The following ANKFN1 variants were observed in gnomAD, a reference collection of about 807,000 sequenced individuals.
ANKFN1 encodes ankyrin repeat and fibronectin type III domain containing 1, also known as ankyrin repeat and fibronectin type-III domain-containing protein 1.
Under a neutral mutation model 108.7 loss-of-function variants are expected in ANKFN1, and 74 were observed. The ratio of observed to expected loss-of-function variants is 0.68; its 90% CI spans 0.56 to 0.83. The LOEUF is 0.83. Among genes scored for constraint, ANKFN1 ranks in the 40% least tolerant of loss-of-function variants. ANKFN1 has a pLI of 0.00. For synonymous variants in ANKFN1, 547 were observed against 516.2 expected (o/e 1.06, Z -0.81); for missense variants, 1,505 against 1,382.3 (o/e 1.09, Z -1.41).
At chr17:56,339,646 T>G (rs2144613192) in intron 4 of ANKFN1, among the ~76,000 whole-genome samples, 1 of 152,336 alleles carries the variant, frequency 6.6e-6, no homozygotes, top group South Asian at 2.1e-4. Flanking sequence ...CTTGTTCTTT[T>G]TATAGCTGCA....
intron 4 of ANKFN1, among the ~76,000 whole-genome samples, chr17:56,349,166 G>A (rs896448152): frequency 6.6e-6 from 1 of 152,114 alleles, no homozygotes; most frequent in Admixed American, 6.6e-5. Flanking sequence ...TTATAAGTAG[G>A]AGCTGGATGA....
At chr17:56,174,188 G>C in intron 1 of ANKFN1, 1 of 985,568 alleles carries the variant, frequency 1.0e-6, no homozygotes, top group Non-Finnish European at 1.2e-6. Flanking sequence ...TCCTGGGCTG[G>C]CCACAGAGCC....
intron 18 of ANKFN1, among the ~76,000 whole-genome samples, chr17:56,491,798 A>T (rs1015694715): frequency 2.2e-4 from 33 of 152,186 alleles, no homozygotes; most frequent in African/African-American, 7.7e-4. Flanking sequence ...TGAAAACCAA[A>T]ACTAGGTTTC....
intron 4 of ANKFN1, among the ~76,000 whole-genome samples, chr17:56,103,500 A>G (rs915458051): frequency 1.3e-5 from 2 of 152,198 alleles, no homozygotes; most frequent in Non-Finnish European, 2.9e-5. Flanking sequence ...CTTGCCAGCA[A>G]TAGCCCAGGG....
At chr17:56,050,051 CTGT>C (rs1904748310) in intron 4 of ANKFN1, among the ~76,000 whole-genome samples, 1 of 151,874 alleles carries the variant, frequency 6.6e-6, no homozygotes, top group African/African-American at 2.4e-5. Flanking sequence ...TCTCCAGCAC[CTGT>C]TGTTTCCTGA....
At chr17:56,450,281 T>A (rs1020341849) in intron 11 of ANKFN1, among the ~76,000 whole-genome samples, 1 of 151,142 alleles carries the variant, frequency 6.6e-6, no homozygotes, top group Non-Finnish European at 1.5e-5. Context: ...AAAAAAAAAA[T>A]CCACAGTTGA....
At chr17:56,160,466 G>A (rs1360446083) in intron 1 of ANKFN1, among the ~76,000 whole-genome samples, 4 of 150,946 alleles carry the variant, frequency 2.6e-5, no homozygotes, top group African/African-American at 9.8e-5. Flanking sequence ...ACTACATTCA[G>A]CGGTCTGTTT....
intron 8 of ANKFN1, among the ~76,000 whole-genome samples, chr17:56,432,050 A>G (rs1481706609): frequency 6.6e-6 from 1 of 152,246 alleles, no homozygotes; most frequent in East Asian, 1.9e-4. Context: ...AAGCGCTGTC[A>G]GAGGCTGCCA....
intron 3 of ANKFN1, among the ~76,000 whole-genome samples, chr17:56,271,040 TG>T (rs1230022125): frequency 6.6e-6 from 1 of 152,144 alleles, no homozygotes; most frequent in Non-Finnish European, 1.5e-5. Flanking sequence ...GACAGGGTCT[TG>T]CTGTATCACC....
chr17:56,301,087 C>A (rs2044658153), intron 3 of ANKFN1, among the ~76,000 whole-genome samples: 1 of 152,202 alleles, frequency 6.6e-6, no homozygotes, highest in Non-Finnish European at 1.5e-5. Context: ...GTGAAGATGA[C>A]ATTCCTCCAA....
At chr17:56,292,965 C>T (rs1333978469) in intron 3 of ANKFN1, among the ~76,000 whole-genome samples, 1 of 152,202 alleles carries the variant, frequency 6.6e-6, no homozygotes, top group Non-Finnish European at 1.5e-5. Flanking sequence ...CCTTGCCTTG[C>T]ATATTCATTC....
intron 2 of ANKFN1, among the ~76,000 whole-genome samples, chr17:56,217,490 C>CA (rs1452137889): frequency 1.3e-5 from 2 of 152,148 alleles, no homozygotes; most frequent in Non-Finnish European, 2.9e-5. Flanking sequence ...TGTGCCCCTC[C>CA]AGCAACATTT....
At chr17:56,427,323 A>G (rs1430219981) in intron 8 of ANKFN1, among the ~76,000 whole-genome samples, 1 of 152,090 alleles carries the variant, frequency 6.6e-6, no homozygotes, top group African/African-American at 2.4e-5. Context: ...GGAGGAGGAG[A>G]AACACTTGGC....
intron 4 of ANKFN1, among the ~76,000 whole-genome samples, chr17:56,338,699 A>T (rs2045882309): frequency 6.6e-6 from 1 of 151,960 alleles, no homozygotes; most frequent in Non-Finnish European, 1.5e-5. Context: ...CCATTTCAAG[A>T]TACTCTTATG....
chr17:56,465,005 A>C (rs768383703), intron 14 of ANKFN1, among the ~76,000 whole-genome samples: 23 of 152,208 alleles, frequency 1.5e-4, no homozygotes, highest in Non-Finnish European at 2.8e-4. Context: ...GCCTGTTGTC[A>C]AACTCTGGGT....
chr17:56,057,458 C>T (rs771542512), intron 4 of ANKFN1, among the ~76,000 whole-genome samples: 6 of 152,118 alleles, frequency 3.9e-5, no homozygotes, highest in Non-Finnish European at 7.4e-5. Flanking sequence ...ACAGTATATA[C>T]AGCAGCGATA....
intron 16 of ANKFN1, 57 bp downstream of exon 16, chr17:56,477,711 G>T: frequency 6.4e-7 from 1 of 1,561,812 alleles, no homozygotes. Context: ...CAAGTGACCA[G>T]CTTGATGTGC....
intron 3 of ANKFN1, among the ~76,000 whole-genome samples, chr17:56,256,142 C>T (rs780004596): frequency 6.6e-5 from 10 of 152,284 alleles, no homozygotes; most frequent in African/African-American, 2.4e-4. Context: ...CAATGTACAT[C>T]ACCAGTGCTA....
At chr17:56,325,367 C>G (rs2144530774) in intron 3 of ANKFN1, among the ~76,000 whole-genome samples, 1 of 152,164 alleles carries the variant, frequency 6.6e-6, no homozygotes, top group African/African-American at 2.4e-5. Context: ...CTGTGAAGGT[C>G]ATTTGCCATT....
Sources: gnomAD v4.1 joint callset for allele counts (sites outside exome capture counted in the v4.1 genomes callset) on GRCh38, gnomAD v4.1.1 for gene constraint, MANE v1.5 for transcripts, NCBI Gene and HGNC (gene_info 2026-07-23, HGNC 2026-07-21) for gene names.